The following RFX7 variants were observed in gnomAD, a reference collection of about 807,000 sequenced individuals.
RFX7 encodes the protein DNA-binding protein RFX7.
RFX7 carries 26 observed loss-of-function variants against 111.8 expected under a neutral mutation model. The ratio of observed to expected loss-of-function variants is 0.23; its 90% CI spans 0.17 to 0.32. The LOEUF (loss-of-function observed/expected upper bound fraction) is 0.32. Ranked by LOEUF, RFX7 falls within the 10% of genes least tolerant of loss-of-function variation. The probability of loss-of-function intolerance (pLI) is 1.00; values close to 1 mark genes in which losing one functional copy is unlikely to be tolerated. For synonymous variants in RFX7, 624 were observed against 624.4 expected (o/e 1.00, Z 0.01); for missense variants, 1,573 against 1,772.9 (o/e 0.89, Z 2.02).
chr15:56,238,663 A>C (rs2043651210), intron 2 of RFX7, among the ~76,000 whole-genome samples: 2 of 152,196 alleles, frequency 1.3e-5, no homozygotes, highest in Admixed American at 1.3e-4. Context: ...AATTGATAAC[A>C]AATTCTTTTA....
intron 3 of RFX7, among the ~76,000 whole-genome samples, chr15:56,174,996 A>T (rs1300989515): frequency 6.6e-6 from 1 of 152,202 alleles, no homozygotes; most frequent in East Asian, 1.9e-4. Context: ...GAGAAAAAGA[A>T]ATTGGCATAT....
intron 2 of RFX7, among the ~76,000 whole-genome samples, chr15:56,215,242 T>G (rs2043352043): frequency 6.6e-6 from 1 of 152,212 alleles, no homozygotes; most frequent in Non-Finnish European, 1.5e-5. Flanking sequence ...GTTTTTAAAA[T>G]CTGTATTATT....
chr15:56,230,174 A>AG (rs1387584373), intron 2 of RFX7, among the ~76,000 whole-genome samples: 2 of 152,218 alleles, frequency 1.3e-5, no homozygotes, highest in African/African-American at 4.8e-5. Flanking sequence ...ATCTCTTGGG[A>AG]ACTAGGCTGG....
intron 7 of RFX7, 89 bp from the exon 8 acceptor site, chr15:56,101,655 G>A: frequency 8.5e-7 from 1 of 1,175,436 alleles, no homozygotes; most frequent in Non-Finnish European, 1.2e-6. Flanking sequence ...TTAATTAGAA[G>A]ATACAATATA....
intron 2 of RFX7, among the ~76,000 whole-genome samples, chr15:56,181,214 A>G (rs1334886514): frequency 2.0e-5 from 3 of 152,214 alleles, no homozygotes; most frequent in African/African-American, 7.2e-5. Flanking sequence ...CCTCCGTGAT[A>G]GCTCCGCGGC....
intron 5 of RFX7, among the ~76,000 whole-genome samples, chr15:56,112,401 A>G (rs997656827): frequency 2.2e-4 from 28 of 128,576 alleles, no homozygotes; most frequent in East Asian, 1.0e-3. Flanking sequence ...AAAAAAAAAA[A>G]AGAACTACAA....
At chr15:56,206,209 CA>C (rs34361238) in intron 2 of RFX7, among the ~76,000 whole-genome samples, 39 of 145,764 alleles carry the variant, frequency 2.7e-4, no homozygotes, top group Non-Finnish European at 4.5e-4. Flanking sequence ...GATAAATGGA[CA>C]AAAAAAAATG....
intron 3 of RFX7, among the ~76,000 whole-genome samples, chr15:56,165,191 G>C (rs2042769346): frequency 6.6e-6 from 1 of 152,210 alleles, no homozygotes; most frequent in Non-Finnish European, 1.5e-5. Flanking sequence ...TTGCTCGCCT[G>C]CTGCTCACTT....
chr15:56,210,586 T>A (rs971149021), intron 2 of RFX7, among the ~76,000 whole-genome samples: 4 of 152,046 alleles, frequency 2.6e-5, no homozygotes, highest in Non-Finnish European at 5.9e-5. Context: ...CAAATTTTTT[T>A]AAAAATAGAA....
chr15:56,181,687 T>C (rs1348126798), intron 2 of RFX7, among the ~76,000 whole-genome samples: 1 of 152,208 alleles, frequency 6.6e-6, no homozygotes, highest in Non-Finnish European at 1.5e-5. Flanking sequence ...TTTTATAACA[T>C]ATAGATCTCA....
intron 2 of RFX7, among the ~76,000 whole-genome samples, chr15:56,187,674 C>T (rs1483973750): frequency 2.6e-5 from 4 of 152,124 alleles, no homozygotes; most frequent in African/African-American, 9.7e-5. Context: ...GAACTACGCC[C>T]AGTATTTGAA....
intron 2 of RFX7, among the ~76,000 whole-genome samples, chr15:56,199,393 G>C (rs2043173604): frequency 6.6e-6 from 1 of 152,034 alleles, no homozygotes; most frequent in African/African-American, 2.4e-5. Flanking sequence ...TTTTACCATT[G>C]TAATATTTAA....
intron 2 of RFX7, among the ~76,000 whole-genome samples, chr15:56,213,553 G>C (rs1022040774): frequency 2.0e-5 from 3 of 152,162 alleles, no homozygotes; most frequent in Admixed American, 1.3e-4. Context: ...AGTGGGTAGG[G>C]ATATAGAAGG....
At chr15:56,194,629 T>TCACGAGGTCAGGAGATCGAGACCATCC (rs2043130537) in intron 2 of RFX7, among the ~76,000 whole-genome samples, 1 of 151,664 alleles carries the variant, frequency 6.6e-6, no homozygotes, top group African/African-American at 2.4e-5. Flanking sequence ...ATTTTTTATA[T>TCACGAGGTCAGGAGATCGAGACCATCC]TTAAAAAAAT....
intron 2 of RFX7, among the ~76,000 whole-genome samples, chr15:56,191,630 C>A (rs2043101350): frequency 6.6e-6 from 1 of 152,004 alleles, no homozygotes; most frequent in South Asian, 2.1e-4. Context: ...TTTTGACAGA[C>A]TAAAAGACTG....
At chr15:56,238,657 G>C (rs934103320) in intron 2 of RFX7, among the ~76,000 whole-genome samples, 1 of 152,058 alleles carries the variant, frequency 6.6e-6, no homozygotes. Flanking sequence ...AACAGTAATT[G>C]ATAACAAATT....
At chr15:56,179,364 C>G (rs1408726863) in intron 2 of RFX7, 61 bp from the exon 3 acceptor site, 1 of 740,862 alleles carries the variant, frequency 1.3e-6, no homozygotes, top group Admixed American at 3.9e-5. Flanking sequence ...CTGCAATATT[C>G]TCAAAAAGAT....
intron 5 of RFX7, among the ~76,000 whole-genome samples, chr15:56,125,001 T>G (rs1228058904): frequency 6.6e-6 from 1 of 152,226 alleles, no homozygotes; most frequent in African/African-American, 2.4e-5. Context: ...TACATTTATG[T>G]CTTTGATCCA....
In RFX7 at chr15:56,095,913, G is replaced by C. The variant is rs755307712; in HGVS notation, c.1815C>G (p.Arg605=). ...ACGTGCCTGGCAGCATTTCATTACA[G>C]CGACTTTTACATTTGGTCCTCTGGT... The part of the protein sequence containing the change: ...VCDQRTKCKS[R]CNEMLPGTST... The change falls in exon 10 of 10, where the codon CGC becomes CGG. Residue 605 remains arginine, a synonymous_variant. Transcript: ENST00000559447. 34 of 1,605,368 alleles carry C rather than the reference G, an allele frequency of 2.1e-5. No individual in the cohort carries two copies. The highest frequency in any genetic ancestry group is 5.0e-5 in the Admixed American group (3 of 59,986).
Sources: allele counts gnomAD v4.1 joint callset (sites outside exome capture counted in the v4.1 genomes callset), GRCh38; gene constraint gnomAD v4.1.1; transcripts MANE v1.5; gene names NCBI Gene and HGNC (gene_info 2026-07-23, HGNC 2026-07-21).